The following PCMT1 variants were observed in gnomAD, a reference collection of about 807,000 sequenced individuals.
PCMT1 encodes protein-L-isoaspartate(D-aspartate) O-methyltransferase.
A neutral mutation model predicts 29.2 loss-of-function variants in PCMT1; 9 were observed. The observed-to-expected ratio is 0.31, with a 90% confidence interval of 0.19 to 0.54. The LOEUF (loss-of-function observed/expected upper bound fraction) is 0.54, where lower values mean the gene tolerates loss of function less well. Ranked by LOEUF, PCMT1 falls within the 20% of genes least tolerant of loss-of-function variation. The pLI, the probability that PCMT1 is intolerant of heterozygous loss-of-function variation, is 0.95. For synonymous variants in PCMT1, 98 were observed against 97.5 expected (o/e 1.00, Z -0.03); for missense variants, 184 against 282.2 (o/e 0.65, Z 2.49).
At chr6:149,751,476 CTTTTT>C (rs76128652) in intron 1 of PCMT1, among the ~76,000 whole-genome samples, 1 of 116,558 alleles carries the variant, frequency 8.6e-6, no homozygotes, top group African/African-American at 3.8e-5. Flanking sequence ...ATGGTTGGTA[CTTTTT>C]TTTTTTTTTT....
Position 149,751,498 on chromosome 6 carries a change from T to TTTA in PCMT1, c.55+1543_55+1544insTAT, listed in dbSNP as rs1308926025. On this transcript the variant is annotated intron_variant, in intron 1 of 7. Transcript: ENST00000464889. The stretch of plus-strand genomic sequence containing the variant: ...GTACTTTTTTTTTTTTTTTTTTTTT[T>TTTA]TGAGACAGAGACTCCCTCTGTAGCC... Among the ~76,000 whole-genome samples the TTTA allele has an allele frequency of 4.7e-4, 68 of 144,640 alleles. 1 individual carries two copies. The highest frequency in any genetic ancestry group is 1.6e-3 in the African/African-American group (62 of 39,626). The allele number at this position is 144,640 out of a possible 152,430, so 94.9% of individuals were successfully genotyped here.
At chr6:149,796,597 T>C in intron 6 of PCMT1, 97 bp downstream of exon 6, 2 of 773,500 alleles carry the variant, frequency 2.6e-6, no homozygotes, top group Non-Finnish European at 2.1e-6. Flanking sequence ...AAAATATAAT[T>C]AGACTTTTAT....
intron 4 of PCMT1, 117 bp from the exon 5 acceptor site, chr6:149,793,432 T>C: frequency 3.8e-6 from 3 of 795,996 alleles, no homozygotes; most frequent in Non-Finnish European, 5.3e-6. Context: ...ATAGAAGCCT[T>C]AAGCTATTTT....
chr6:149,754,959 T>G (rs1786454894), intron 1 of PCMT1, among the ~76,000 whole-genome samples: 1 of 152,202 alleles, frequency 6.6e-6, no homozygotes, highest in Admixed American at 6.5e-5. Context: ...TTTTGTTAAT[T>G]TCTTAATTGT....
At chr6:149,790,999 CA>C (rs1294507755) in intron 4 of PCMT1, among the ~76,000 whole-genome samples, 1 of 152,048 alleles carries the variant, frequency 6.6e-6, no homozygotes, top group African/African-American at 2.4e-5. Flanking sequence ...ACAACAACAA[CA>C]AAAACCTACT....
intron 3 of PCMT1, among the ~76,000 whole-genome samples, chr6:149,785,355 C>CTTTTTTTTTTTTTT (rs11310169): frequency 1.4e-5 from 1 of 73,236 alleles, no homozygotes; most frequent in Admixed American, 1.5e-4. Flanking sequence ...TGGCTGTTTT[C>CTTTTTTTTTTTTTT]TTTTTTTTTT....
intron 5 of PCMT1, chr6:149,795,697 G>A: frequency 3.0e-6 from 1 of 334,680 alleles, no homozygotes; most frequent in Non-Finnish European, 5.8e-6. Flanking sequence ...CCTGAATTGA[G>A]AGAAGCATGG....
chr6:149,795,277 A>G (rs547626285), intron 5 of PCMT1: 14 of 407,746 alleles, frequency 3.4e-5, no homozygotes, highest in South Asian at 3.1e-4. Context: ...CTCTCGTCCA[A>G]GCAGTCCTTG....
At chr6:149,770,306 G>A (rs942146258) in intron 1 of PCMT1, among the ~76,000 whole-genome samples, 2 of 152,114 alleles carry the variant, frequency 1.3e-5, no homozygotes, top group Non-Finnish European at 2.9e-5. Flanking sequence ...TGGCATCAGC[G>A]TATCAATGAT....
intron 3 of PCMT1, among the ~76,000 whole-genome samples, chr6:149,786,748 C>A (rs1163126786): frequency 6.7e-6 from 1 of 150,202 alleles, no homozygotes; most frequent in Non-Finnish European, 1.5e-5. Flanking sequence ...CCCCACATCT[C>A]AGACGATGGG....
At chr6:149,790,744 C>A (rs368632982) in intron 4 of PCMT1, among the ~76,000 whole-genome samples, 2 of 152,008 alleles carry the variant, frequency 1.3e-5, no homozygotes, top group African/African-American at 4.8e-5. Context: ...CGCGGTGGCT[C>A]ACACCTATAA....
intron 5 of PCMT1, chr6:149,795,494 T>C (rs186329696): frequency 4.9e-6 from 2 of 410,476 alleles, no homozygotes; most frequent in East Asian, 1.2e-4. Context: ...TGTAGACCCA[T>C]CCGTTTCTAC....
chr6:149,793,162 C>CT lies in PCMT1; in HGVS notation c.298-387_298-386insT, dbSNP rs1562419765. On this transcript the variant is annotated intron_variant, in intron 4 of 7. Coordinates refer to ENST00000464889, the MANE Select transcript of PCMT1 (RefSeq NM_001360452.2). The stretch of plus-strand genomic sequence containing the variant: ...TGGGTGACAGAGCGAGACTCTCTCT[C>CT]AAAAAAAAAAAAAAAGAAATTCCTC... Among the ~76,000 whole-genome samples the CT allele has an allele frequency of 4.5e-3, 587 of 129,938 alleles. 3 individuals are homozygous for CT. Among genetic ancestry groups the CT allele is most frequent in the African/African-American group, 0.015 (559 of 37,934 alleles). The allele number at this position is 129,938 out of a possible 152,430, so 85.2% of individuals were successfully genotyped here. A position where few individuals can be genotyped will look rare whatever the true frequency, so the allele number is the denominator to read the frequency against.
intron 1 of PCMT1, among the ~76,000 whole-genome samples, chr6:149,752,219 CAG>C (rs1257245610): frequency 1.3e-5 from 2 of 150,554 alleles, no homozygotes; most frequent in Non-Finnish European, 3.0e-5. Context: ...TTTTTTGAGA[CAG>C]AGTTTTGCTC....
At chr6:149,790,226 A>T (rs1788302323) in intron 4 of PCMT1, among the ~76,000 whole-genome samples, 168 bp downstream of exon 4, 2 of 152,248 alleles carry the variant, frequency 1.3e-5, no homozygotes, top group African/African-American at 4.8e-5. Context: ...GTGACAGAAC[A>T]TGCAACCCAA....
chr6:149,797,207 A>C (rs1156904721), intron 6 of PCMT1: 3 of 152,180 alleles, frequency 2.0e-5, no homozygotes, highest in African/African-American at 7.2e-5. Context: ...ATTCTCACAA[A>C]GCTTGTATTC....
chr6:149,803,189 A>C (rs1775899828), intron 7 of PCMT1, among the ~76,000 whole-genome samples: 1 of 152,116 alleles, frequency 6.6e-6, no homozygotes, highest in Admixed American at 6.6e-5. Flanking sequence ...CAGAGAGGAC[A>C]TTCTACCTCT....
chr6:149,755,975 A>G (rs1212322238), intron 1 of PCMT1, among the ~76,000 whole-genome samples: 1 of 152,196 alleles, frequency 6.6e-6, no homozygotes, highest in African/African-American at 2.4e-5. Flanking sequence ...TCCAGGCAGA[A>G]GAAATAGCGA....
chr6:149,797,811 A>G (rs1333200870), intron 6 of PCMT1: 1 of 152,102 alleles, frequency 6.6e-6, no homozygotes, highest in African/African-American at 2.4e-5. Flanking sequence ...TGTTCTGGTC[A>G]TTGACTTGCT....
Sources: allele counts gnomAD v4.1 joint callset (sites outside exome capture counted in the v4.1 genomes callset), GRCh38; gene constraint gnomAD v4.1.1; transcripts MANE v1.5; gene names NCBI Gene and HGNC (gene_info 2026-07-23, HGNC 2026-07-21).